Variants in NRXN1 observed in about 807,000 individuals in gnomAD.
NRXN1 encodes the protein neurexin 1, also known as neurexin-1.
In NRXN1, 39 loss-of-function variants were observed where a neutral mutation model predicts 150.9. The observed-to-expected ratio is 0.26, with a 90% CI of 0.20 to 0.34. The LOEUF (loss-of-function observed/expected upper bound fraction) is 0.34, where lower values mean the gene tolerates loss of function less well. Among genes scored for constraint, NRXN1 ranks in the 10% least tolerant of loss-of-function variants. The probability of loss-of-function intolerance (pLI) is 1.00; values close to 1 mark genes in which losing one functional copy is unlikely to be tolerated. For synonymous variants in NRXN1, 924 were observed against 757.0 expected (o/e 1.22, Z -3.62); for missense variants, 1,815 against 1,949.9 (o/e 0.93, Z 1.30).
chr2:50,597,208 G>A (rs192062931), intron 8 of NRXN1, among the ~76,000 whole-genome samples: 4 of 152,222 alleles, frequency 2.6e-5, no homozygotes, highest in Admixed American at 2.0e-4. Context: ...ACATGGCTCT[G>A]TCTTAGGCTT....
chr2:50,999,120 A>G (rs886881441), intron 2 of NRXN1, among the ~76,000 whole-genome samples: 3 of 152,044 alleles, frequency 2.0e-5, no homozygotes, highest in Non-Finnish European at 4.4e-5. Flanking sequence ...GCCTGTCCAT[A>G]ACTAGTATTT....
At chr2:50,351,212 T>C (rs879621206) in intron 17 of NRXN1, among the ~76,000 whole-genome samples, 5 of 152,166 alleles carry the variant, frequency 3.3e-5, no homozygotes, top group Admixed American at 3.3e-4. Context: ...GGAGGAAACA[T>C]GGTTTTTGGC....
chr2:50,646,640 C>T (rs932083761), intron 5 of NRXN1, among the ~76,000 whole-genome samples: 11 of 151,004 alleles, frequency 7.3e-5, no homozygotes, highest in Admixed American at 4.6e-4. Context: ...TATTCAACTA[C>T]GGAAAAGTCC....
intron 17 of NRXN1, among the ~76,000 whole-genome samples, chr2:50,249,345 A>G (rs1204271725): frequency 2.0e-5 from 3 of 152,052 alleles, no homozygotes; most frequent in Admixed American, 2.0e-4. Flanking sequence ...GGTGGCAGGG[A>G]AAAACTCTAA....
rs192943820 is a variant in NRXN1 at position 50,698,668 on chromosome 2, G to A, written c.833-75053C>T. On this transcript the variant is annotated intron_variant, in intron 5 of 22. Transcript: ENST00000401669. ...TCAATACATTTAAAAAGTAAAAAGG[G>A]ATCTTGAATCCAAAAATGTGAAAAC... Among the ~76,000 whole-genome samples the A allele has an allele frequency of 8.6e-3, 1,304 of 152,068 alleles. 8 individuals are homozygous for A. The highest frequency in any genetic ancestry group is 0.014 in the Non-Finnish European group (950 of 67,974).
At chr2:50,633,473 T>C (rs1682717272) in intron 5 of NRXN1, among the ~76,000 whole-genome samples, 1 of 152,036 alleles carries the variant, frequency 6.6e-6, no homozygotes, top group African/African-American at 2.4e-5. Flanking sequence ...CATCCATTCG[T>C]GTGCTTCATA....
chr2:50,096,473 C>T (rs1700240433), intron 18 of NRXN1, among the ~76,000 whole-genome samples: 1 of 152,168 alleles, frequency 6.6e-6, no homozygotes, highest in Non-Finnish European at 1.5e-5. Context: ...AACTCTTATT[C>T]TCTGGGATTA....
chr2:50,495,232 T>C (rs1284961483), intron 15 of NRXN1, among the ~76,000 whole-genome samples: 3 of 152,180 alleles, frequency 2.0e-5, no homozygotes, highest in African/African-American at 7.2e-5. Flanking sequence ...ATTTCTCTTC[T>C]ATTATTGACA....
chr2:50,562,450 T>C (rs1480078526), intron 8 of NRXN1, among the ~76,000 whole-genome samples: 6 of 152,120 alleles, frequency 3.9e-5, no homozygotes, highest in African/African-American at 1.2e-4. Context: ...ACTATTTTAA[T>C]ATATTATTAC....
At chr2:50,944,427 T>C (rs1689991000) in intron 2 of NRXN1, among the ~76,000 whole-genome samples, 1 of 152,182 alleles carries the variant, frequency 6.6e-6, no homozygotes, top group African/African-American at 2.4e-5. Context: ...ATCTACTTCA[T>C]AGGATTATTT....
intron 21 of NRXN1, among the ~76,000 whole-genome samples, chr2:49,962,008 C>T (rs111308981): frequency 6.6e-5 from 10 of 151,894 alleles, no homozygotes; most frequent in East Asian, 3.9e-4. Context: ...TGGAGGAGGC[C>T]GAGGCAGGAG....
At chr2:50,612,797 G>C (rs140723188) in intron 8 of NRXN1, among the ~76,000 whole-genome samples, 78 of 152,232 alleles carry the variant, frequency 5.1e-4, no homozygotes, top group African/African-American at 1.8e-3. Context: ...GTGTTCTGTT[G>C]AGGTCTCATG....
intron 18 of NRXN1, among the ~76,000 whole-genome samples, chr2:50,128,312 C>T (rs1213900393): frequency 6.6e-6 from 1 of 152,160 alleles, no homozygotes; most frequent in Non-Finnish European, 1.5e-5. Context: ...TTCGTCCCTT[C>T]GAACCAACTT....
intron 18 of NRXN1, among the ~76,000 whole-genome samples, chr2:50,226,412 C>T (rs2064383631): frequency 6.6e-6 from 1 of 151,882 alleles, no homozygotes; most frequent in Non-Finnish European, 1.5e-5. Context: ...TACTTGAGGT[C>T]AGAAGCCATG....
chr2:50,850,231 G>GAAA (rs539460509), intron 5 of NRXN1, among the ~76,000 whole-genome samples: 54 of 72,828 alleles, frequency 7.4e-4, no homozygotes, highest in African/African-American at 2.6e-3. Context: ...TGTCTCGACA[G>GAAA]AAAAAAAAAA....
chr2:50,138,989 T>C (rs534995274), intron 18 of NRXN1, among the ~76,000 whole-genome samples: 43 of 152,296 alleles, frequency 2.8e-4, no homozygotes, highest in African/African-American at 1.0e-3. Flanking sequence ...AGGTTTATTT[T>C]GTAAATGTGT....
intron 21 of NRXN1, among the ~76,000 whole-genome samples, chr2:49,963,218 G>T (rs1676312387): frequency 6.6e-6 from 1 of 152,094 alleles, no homozygotes; most frequent in African/African-American, 2.4e-5. Flanking sequence ...AGAATTCGGT[G>T]AATTTTCCTG....
In NRXN1 at chr2:50,043,371, C is replaced by T. The variant is rs559786281; in HGVS notation, c.4128+9900G>A. Among the ~76,000 whole-genome samples, 617 of 152,212 alleles carry T rather than the reference C, an allele frequency of 4.1e-3. 5 individuals are homozygous for T. The highest frequency in any genetic ancestry group is 6.2e-3 in the Non-Finnish European group (424 of 68,016). On this transcript the variant is annotated intron_variant, in intron 21 of 22. Coordinates refer to ENST00000401669, the MANE Select transcript of NRXN1 (RefSeq NM_001330078.2). ...TTATCTTCTATCTTGTATTAGATTG[C>T]CATGTAGACCCTGTCAAGAAACATT...
chr2:49,946,195 G>A (rs989868904), intron 21 of NRXN1, among the ~76,000 whole-genome samples: 3 of 152,140 alleles, frequency 2.0e-5, no homozygotes, highest in Non-Finnish European at 2.9e-5. Flanking sequence ...TTTGAAAAGT[G>A]TATGTTCATA....
Sources: gnomAD v4.1 joint callset for allele counts (sites outside exome capture counted in the v4.1 genomes callset) on GRCh38, gnomAD v4.1.1 for gene constraint, MANE v1.5 for transcripts, NCBI Gene and HGNC (gene_info 2026-07-23, HGNC 2026-07-21) for gene names.